Variants in ADAMTS9 observed in about 807,000 individuals in gnomAD.
ADAMTS9 encodes ADAM metallopeptidase with thrombospondin type 1 motif 9.
A neutral mutation model predicts 257.1 loss-of-function variants in ADAMTS9; 107 were observed. The observed-to-expected ratio is 0.42, with a 90% confidence interval of 0.36 to 0.49. ADAMTS9 has a LOEUF of 0.49. Among genes scored for constraint, ADAMTS9 ranks in the 20% least tolerant of loss-of-function variants. ADAMTS9 has a pLI of 0.03. For missense variants in ADAMTS9, 2,353 were observed against 2,469.1 expected, an observed-to-expected ratio of 0.95 and a Z score of 1.00; for synonymous variants, 982 against 880.9, an observed-to-expected ratio of 1.11 and a Z score of -2.03.
At chr3:64,636,059 C>T (rs966506784) in intron 12 of ADAMTS9, among the ~76,000 whole-genome samples, 2 of 146,246 alleles carry the variant, frequency 1.4e-5, no homozygotes, top group Admixed American at 6.9e-5. Context: ...TACTTCTTTC[C>T]CTTTGAACAT....
At chr3:64,571,767 C>T (rs866192784) in intron 28 of ADAMTS9, among the ~76,000 whole-genome samples, 1 of 152,130 alleles carries the variant, frequency 6.6e-6, no homozygotes, top group Non-Finnish European at 1.5e-5. Flanking sequence ...AGCAGCTGCT[C>T]GTGGAAATGT....
intron 20 of ADAMTS9, 106 bp downstream of exon 20, chr3:64,615,854 G>T: frequency 1.5e-6 from 2 of 1,328,222 alleles, no homozygotes; most frequent in Non-Finnish European, 2.1e-6. Context: ...ATCAATCACG[G>T]TCATCTCTTC....
At chr3:64,617,999 G>C (rs532398946) in intron 19 of ADAMTS9, among the ~76,000 whole-genome samples, 3 of 152,186 alleles carry the variant, frequency 2.0e-5, no homozygotes, top group Non-Finnish European at 4.4e-5. Flanking sequence ...ATGCAAGATA[G>C]AACACCTTAT....
chr3:64,567,448 G>A (rs975448960), intron 29 of ADAMTS9, among the ~76,000 whole-genome samples: 1 of 152,140 alleles, frequency 6.6e-6, no homozygotes, highest in African/African-American at 2.4e-5. Flanking sequence ...AAAAGAAATT[G>A]AGCCTTATTA....
At chr3:64,655,961 T>A (rs190290636) in intron 4 of ADAMTS9, 86 bp from the exon 5 acceptor site, 2 of 762,992 alleles carry the variant, frequency 2.6e-6, no homozygotes, top group East Asian at 5.3e-5. Context: ...GCTCCACCTC[T>A]TTTTTACGTT....
At chr3:64,654,692 G>C in intron 6 of ADAMTS9, 80 bp from the exon 7 acceptor site, 1 of 1,510,586 alleles carries the variant, frequency 6.6e-7, no homozygotes, top group Middle Eastern at 1.7e-4. Flanking sequence ...GGTCGTCTAG[G>C]CATTCACAAC....
At position 64,591,946 on chromosome 3, in the gene ADAMTS9, A is replaced by G. The variant is rs183068043; in HGVS notation, c.4356+2312T>C. ...GTTAGTTTCACCGTCAGTTACAATG[A>G]TGAAGCACCATGGAAGTGGCTTTAT... On this transcript the variant is annotated intron_variant, in intron 28 of 39. Transcript: ENST00000498707. 4.9e-4 allele frequency among the ~76,000 whole-genome samples: 75 copies of G among 152,294 alleles called. No homozygotes were observed. In the East Asian group the frequency reaches 0.014, roughly 27 times the overall value.
intron 28 of ADAMTS9, among the ~76,000 whole-genome samples, chr3:64,593,794 G>A (rs924302442): frequency 6.6e-6 from 1 of 152,148 alleles, no homozygotes; most frequent in Non-Finnish European, 1.5e-5. Flanking sequence ...TATGTTCAGA[G>A]CTGTACCCGA....
chr3:64,604,678 G>A (rs899611312), intron 23 of ADAMTS9, among the ~76,000 whole-genome samples: 1 of 152,194 alleles, frequency 6.6e-6, no homozygotes, highest in African/African-American at 2.4e-5. Context: ...AGTTGTTAAC[G>A]TTTTAAAACT....
rs1392530796 is a variant in ADAMTS9, at chr3:64,633,894, A to C, written c.1857-15T>G. 6.2e-7 allele frequency: 1 copy of C among 1,604,056 alleles called. No individual in the cohort carries two copies. The highest frequency in any genetic ancestry group is 1.7e-5 in the Admixed American group (1 of 59,676). On this transcript the variant is annotated splice_polypyrimidine_tract_variant and intron_variant, in intron 12 of 39. Transcript: ENST00000498707. The stretch of plus-strand genomic sequence containing the variant: ...CATTTTTTGGTCTGAAAAAGAAAAA[A>C]TGTGAAGAGCACACACACTGTATTA...
At chr3:64,676,791 C>T (rs1272112904) in intron 3 of ADAMTS9, among the ~76,000 whole-genome samples, 1 of 152,162 alleles carries the variant, frequency 6.6e-6, no homozygotes, top group Non-Finnish European at 1.5e-5. Flanking sequence ...TTAGGCACAG[C>T]ATTGATGGGT....
chr3:64,597,939 G>A (rs746516423), intron 26 of ADAMTS9, among the ~76,000 whole-genome samples: 4 of 152,178 alleles, frequency 2.6e-5, no homozygotes, highest in Non-Finnish European at 5.9e-5. Context: ...CAAGTATGTT[G>A]TTAGTTCCAG....
intron 26 of ADAMTS9, among the ~76,000 whole-genome samples, chr3:64,598,041 T>G (rs1217837308): frequency 6.6e-6 from 1 of 152,226 alleles, no homozygotes; most frequent in Non-Finnish European, 1.5e-5. Flanking sequence ...TTCTTGCTGG[T>G]CATCTTCTTC....
intron 21 of ADAMTS9, among the ~76,000 whole-genome samples, chr3:64,614,615 T>A (rs1259572206): frequency 1.3e-5 from 2 of 152,114 alleles, no homozygotes; most frequent in Non-Finnish European, 2.9e-5. Flanking sequence ...GAACGTGGAG[T>A]GAGTCCCTGC....
chr3:64,630,938 A>T lies in ADAMTS9; in HGVS notation c.2389+517T>A, dbSNP rs150534891. On this transcript the variant is annotated intron_variant, in intron 16 of 39. Coordinates refer to ENST00000498707, the MANE Select transcript of ADAMTS9 (RefSeq NM_182920.2). ...TGAGAAGAGGATAAAAAATCTGTAT[A>T]GTATTGCTATTCTAGTAATGACTTG... Among the ~76,000 whole-genome samples the T allele has an allele frequency of 1.7e-3, 266 of 152,318 alleles. 1 individual carries two copies. Among genetic ancestry groups the T allele is most frequent in the Middle Eastern group, 0.01 (3 of 294 alleles).
intron 30 of ADAMTS9, among the ~76,000 whole-genome samples, chr3:64,561,135 C>G (rs1206274111): frequency 6.7e-6 from 1 of 150,140 alleles, no homozygotes; most frequent in East Asian, 2.0e-4. Flanking sequence ...TGCCTATCTT[C>G]TACCTGACAG....
intron 19 of ADAMTS9, among the ~76,000 whole-genome samples, chr3:64,620,489 C>T (rs903756249): frequency 6.6e-6 from 1 of 151,592 alleles, no homozygotes; most frequent in Non-Finnish European, 1.5e-5. Context: ...AAATGCAAGC[C>T]CCGACTACTT....
chr3:64,622,254 T>C lies in ADAMTS9; in HGVS notation c.2630A>G (p.Gln877Arg). Residue 877 changes from glutamine (Q) to arginine (R), a missense_variant, in exon 18 of 40, where the codon CAG becomes CGG. Physicochemically the swap from Gln to Arg is conservative, Grantham distance 43 (BLOSUM62 1). Coordinates refer to ENST00000498707, the MANE Select transcript of ADAMTS9 (RefSeq NM_182920.2). ...CCCATGACTGTTCCAGTAAAACTGC[T>C]GAGGTTTATCTTCAATTGGAATATT... ...SFNIPIEDKP[Q>R]QFYWNSHGPW... The C allele has an allele frequency of 6.2e-7, 1 of 1,614,012 alleles. No individual in the cohort carries two copies. The highest frequency in any genetic ancestry group is 1.3e-5 in the African/African-American group (1 of 75,020).
At position 64,533,225 on chromosome 3, in the gene ADAMTS9, C is replaced by T. The variant is rs2083005367; in HGVS notation, c.5659G>A (p.Glu1887Lys). 1.2e-6 allele frequency: 2 copies of T among 1,613,690 alleles called. No homozygotes were observed. Among genetic ancestry groups the T allele is most frequent in the Non-Finnish European group, 1.7e-6 (2 of 1,179,858 alleles). The change falls in exon 38 of 40, where the codon GAA (glutamate) becomes AAA (lysine). Residue 1887 changes from glutamate (E) to lysine (K), a missense_variant. Around this residue, in one of 3 missense-constraint regions of ADAMTS9, gnomAD observed 1,402 missense variants for 1,441.4 expected, o/e 0.97. Coordinates refer to ENST00000498707, the MANE Select transcript of ADAMTS9 (RefSeq NM_182920.2). ...NLYGTGLSLTESARWISQGNY... is the reference protein window; with the variant it reads ...NLYGTGLSLTKSARWISQGNY... ...CCTTGTGATATCCATCTGGCAGATT[C>T]AGTTAAAGACAAGCCGGTTCCATAA...
Sources: allele counts gnomAD v4.1 joint callset (sites outside exome capture counted in the v4.1 genomes callset), GRCh38; gene constraint gnomAD v4.1.1; regional missense constraint gnomAD v4.1.1; transcripts MANE v1.5; gene names NCBI Gene and HGNC (gene_info 2026-07-23, HGNC 2026-07-21).